Variants in MAGI2 observed in about 807,000 individuals in gnomAD.
MAGI2 encodes membrane-associated guanylate kinase, WW and PDZ domain-containing protein 2.
Under a neutral mutation model 133.3 loss-of-function variants are expected in MAGI2, and 35 were observed. The ratio of observed to expected loss-of-function variants is 0.26; its 90% CI spans 0.20 to 0.35. The LOEUF is 0.35. Among genes scored for constraint, MAGI2 ranks in the 10% least tolerant of loss-of-function variants. MAGI2 has a pLI of 1.00. For missense variants in MAGI2, 1,636 were observed against 1,863.4 expected (o/e 0.88, Z 2.25); for synonymous variants, 729 against 710.6 (o/e 1.03, Z -0.41).
intron 4 of MAGI2, chr7:78,509,325 TA>T (rs1795374518): frequency 1.3e-5 from 2 of 152,182 alleles, no homozygotes; most frequent in Admixed American, 6.6e-5. Flanking sequence ...CAATGATCTA[TA>T]AAAACATATT....
intron 6 of MAGI2, among the ~76,000 whole-genome samples, chr7:78,397,397 A>ACACC (rs1465475656): frequency 6.8e-6 from 1 of 146,956 alleles, no homozygotes; most frequent in African/African-American, 2.5e-5. Flanking sequence ...ACACACACAC[A>ACACC]CCCCTTGTCT....
chr7:78,110,793 A>G (rs3779302), intron 20 of MAGI2, among the ~76,000 whole-genome samples: 5,768 of 152,260 alleles, frequency 0.038, 130 homozygotes, highest in East Asian at 0.066. Context: ...AGCAGCCACA[A>G]AGAAAGAAGG....
At chr7:78,791,563 ATGAACT>A (rs1827242853) in intron 2 of MAGI2, among the ~76,000 whole-genome samples, 1 of 135,752 alleles carries the variant, frequency 7.4e-6, no homozygotes, top group African/African-American at 2.9e-5. Context: ...TTTTTTTGAG[ATGAACT>A]CTTGCTCTGT....
intron 9 of MAGI2, among the ~76,000 whole-genome samples, chr7:78,293,829 G>C (rs990486947): frequency 6.6e-6 from 1 of 152,132 alleles, no homozygotes; most frequent in Non-Finnish European, 1.5e-5. Context: ...GCAAACTATT[G>C]CAAGGACAGA....
intron 9 of MAGI2, among the ~76,000 whole-genome samples, chr7:78,268,948 C>G (rs1794289340): frequency 6.6e-6 from 1 of 151,848 alleles, no homozygotes; most frequent in Non-Finnish European, 1.5e-5. Context: ...CCCCCACCCA[C>G]TGACAAGCCC....
At chr7:78,800,598 G>A (rs1787982064) in intron 2 of MAGI2, among the ~76,000 whole-genome samples, 1 of 151,846 alleles carries the variant, frequency 6.6e-6, no homozygotes, top group Non-Finnish European at 1.5e-5. Flanking sequence ...AACAATTTTT[G>A]GTCTATTATA....
intron 1 of MAGI2, among the ~76,000 whole-genome samples, chr7:79,132,427 A>C (rs1220832947): frequency 6.6e-6 from 1 of 152,152 alleles, no homozygotes; most frequent in Non-Finnish European, 1.5e-5. Context: ...TTCACTTAGA[A>C]TAATGGCCTC....
At chr7:79,378,970 ATT>A (rs1554465162) in intron 1 of MAGI2, among the ~76,000 whole-genome samples, 98 of 101,694 alleles carry the variant, frequency 9.6e-4, no homozygotes, top group African/African-American at 3.3e-3. Context: ...ATATATATAT[ATT>A]AAACTTTAAG....
chr7:78,133,260 C>T (rs1821755977), intron 17 of MAGI2, among the ~76,000 whole-genome samples, 200 bp from the exon 18 acceptor site: 1 of 152,202 alleles, frequency 6.6e-6, no homozygotes, highest in Admixed American at 6.5e-5. Flanking sequence ...TTAATGATCA[C>T]TGCAGAACAA....
intron 1 of MAGI2, among the ~76,000 whole-genome samples, chr7:79,302,387 C>T (rs1403852770): frequency 6.6e-6 from 1 of 152,122 alleles, no homozygotes; most frequent in Non-Finnish European, 1.5e-5. Context: ...AACATAGCAG[C>T]AGACATGATA....
At chr7:78,727,794 CTGTT>C (rs1225813416) in intron 2 of MAGI2, among the ~76,000 whole-genome samples, 6 of 152,282 alleles carry the variant, frequency 3.9e-5, no homozygotes, top group South Asian at 2.1e-4. Flanking sequence ...ATCTTTGAGT[CTGTT>C]TATTTATTTT....
chr7:78,959,926 A>T (rs933070209), intron 2 of MAGI2, among the ~76,000 whole-genome samples: 1 of 152,166 alleles, frequency 6.6e-6, no homozygotes, highest in South Asian at 2.1e-4. Context: ...CATGTAATTA[A>T]TTATTATAAC....
At position 78,739,494 on chromosome 7, in the gene MAGI2, A is replaced by G. The variant is rs1378762160; in HGVS notation, c.419-112255T>C. ...TTCTGGAGTTTTGGAGAAGATTAGC[A>G]CTGTGAAACCAGATAGATCAACAGA... On this transcript the variant is annotated intron_variant, in intron 2 of 21. Coordinates refer to ENST00000354212, the MANE Select transcript of MAGI2 (RefSeq NM_012301.4). Among the ~76,000 whole-genome samples, 3 of 152,216 alleles carry G rather than the reference A, an allele frequency of 2.0e-5. No homozygotes were observed. In the East Asian group the frequency reaches 5.8e-4, roughly 29 times the overall value.
rs1808186416 is a variant in MAGI2 at position 78,019,971 on chromosome 7, G to A, written c.3712C>T (p.Pro1238Ser). The A allele has an allele frequency of 1.2e-6, 2 of 1,604,650 alleles. No homozygotes were observed. The highest frequency in any genetic ancestry group is 8.5e-7 in the Non-Finnish European group (1 of 1,176,892). Residue 1238 changes from proline (P) to serine (S), a missense_variant, in exon 22 of 22, where the codon CCC becomes TCC. By Grantham distance (74) the Pro-to-Ser change is moderately conservative (BLOSUM62 -1). Around this residue, in one of 5 missense-constraint regions of MAGI2, gnomAD observed 354 missense variants for 298.7 expected, o/e 1.19. Coordinates refer to ENST00000354212, the MANE Select transcript of MAGI2 (RefSeq NM_012301.4). ...GTGQVPEYDE[P>S]APWSSPAAAA... is the part of the protein sequence containing the mutation. ...GCAGCGGGAGAACTCCAGGGGGCGG[G>A]TTCGTCTGTGGACGGGAAGCACAGG...
intron 2 of MAGI2, among the ~76,000 whole-genome samples, chr7:78,914,624 C>T (rs1284723600): frequency 2.6e-5 from 4 of 152,024 alleles, no homozygotes; most frequent in African/African-American, 9.7e-5. Flanking sequence ...GAATTGATTT[C>T]CTTAATAAAT....
intron 2 of MAGI2, among the ~76,000 whole-genome samples, chr7:78,701,576 T>G (rs1339556093): frequency 6.6e-6 from 1 of 151,968 alleles, no homozygotes; most frequent in Non-Finnish European, 1.5e-5. Context: ...GTATTTGTGC[T>G]AAGAATTTCT....
chr7:78,899,492 G>A (rs1316753183), intron 2 of MAGI2, among the ~76,000 whole-genome samples: 1 of 152,140 alleles, frequency 6.6e-6, no homozygotes, highest in African/African-American at 2.4e-5. Context: ...TTGGCTATCT[G>A]CCAGCTAAGT....
chr7:79,244,556 T>C (rs577019083), intron 1 of MAGI2, among the ~76,000 whole-genome samples: 73 of 152,218 alleles, frequency 4.8e-4, no homozygotes, highest in African/African-American at 1.6e-3. Context: ...AGAGGGAGCA[T>C]TTAGACCAGC....
At chr7:79,291,001 T>C (rs1430416143) in intron 1 of MAGI2, among the ~76,000 whole-genome samples, 1 of 152,082 alleles carries the variant, frequency 6.6e-6, no homozygotes, top group Non-Finnish European at 1.5e-5. Flanking sequence ...ATTGTGGAGC[T>C]ATCACTATGA....
Sources: gnomAD v4.1 joint callset for allele counts (sites outside exome capture counted in the v4.1 genomes callset) on GRCh38, gnomAD v4.1.1 for gene constraint, gnomAD v4.1.1 regional missense constraint, MANE v1.5 for transcripts, NCBI Gene and HGNC (gene_info 2026-07-23, HGNC 2026-07-21) for gene names.